The following ZNF385D variants were observed in gnomAD, a reference collection of about 807,000 sequenced individuals.
ZNF385D encodes the protein zinc finger protein 385D.
A neutral mutation model predicts 35.8 loss-of-function variants in ZNF385D; 15 were observed. The observed-to-expected ratio is 0.42, with a 90% CI of 0.28 to 0.64. The LOEUF (loss-of-function observed/expected upper bound fraction) is 0.64. ZNF385D is among the 30% of genes least tolerant of loss of function. The pLI is 0.23. For missense variants in ZNF385D, 474 were observed against 494.6 expected, an observed-to-expected ratio of 0.96 and a Z score of 0.39; for synonymous variants, 212 against 186.8, an observed-to-expected ratio of 1.13 and a Z score of -1.10.
chr3:22,173,982 T>C (rs1027586799), intron 2 of ZNF385D, among the ~76,000 whole-genome samples: 1 of 151,892 alleles, frequency 6.6e-6, no homozygotes, highest in African/African-American at 2.4e-5. Flanking sequence ...ATTCCTTCTA[T>C]TTATTATCAG....
chr3:22,309,436 C>A (rs1438209286), intron 2 of ZNF385D, among the ~76,000 whole-genome samples: 1 of 151,994 alleles, frequency 6.6e-6, no homozygotes, highest in Non-Finnish European at 1.5e-5. Context: ...CAGTTTCTCA[C>A]TTCTAAGGGT....
intron 1 of ZNF385D, among the ~76,000 whole-genome samples, chr3:21,704,090 A>T (rs191963247): frequency 6.6e-6 from 1 of 152,234 alleles, no homozygotes; most frequent in Non-Finnish European, 1.5e-5. Flanking sequence ...GCAATGCTCA[A>T]TCATAAAAGA....
chr3:21,658,689 A>T (rs923824798), intron 2 of ZNF385D, among the ~76,000 whole-genome samples: 2 of 152,084 alleles, frequency 1.3e-5, no homozygotes, highest in African/African-American at 4.8e-5. Context: ...AATAAAAAAT[A>T]TGCATATGGT....
Position 22,042,682 on chromosome 3 carries a change from C to A in ZNF385D, c.325+126135G>T, listed in dbSNP as rs77635893. On this transcript the variant is annotated intron_variant, in intron 3 of 5. Transcript: ENST00000494108. ...TCCAAGTTGCACTCCTCTAAAGGAT[C>A]AAAAGTCTGAGTCTTCTCACTAAGA... is the stretch of plus-strand genomic sequence containing the variant. Among the ~76,000 whole-genome samples, 25 of 152,186 alleles carry A rather than the reference C, an allele frequency of 1.6e-4. No homozygotes were observed. In the East Asian group the frequency reaches 4.8e-3, roughly 29 times the overall value.
At chr3:21,928,691 TAAAG>T (rs1270989119) in intron 3 of ZNF385D, among the ~76,000 whole-genome samples, 10 of 152,138 alleles carry the variant, frequency 6.6e-5, no homozygotes, top group Non-Finnish European at 1.2e-4. Flanking sequence ...AATTTTAAAA[TAAAG>T]AAACGTTATA....
At chr3:22,068,394 A>G (rs1363402662) in intron 3 of ZNF385D, among the ~76,000 whole-genome samples, 5 of 152,200 alleles carry the variant, frequency 3.3e-5, no homozygotes, top group Non-Finnish European at 7.3e-5. Flanking sequence ...TACTGTCCTT[A>G]AGTCCTATAT....
At chr3:21,544,435 TTG>T (rs1207068339) in intron 3 of ZNF385D, among the ~76,000 whole-genome samples, 1 of 152,204 alleles carries the variant, frequency 6.6e-6, no homozygotes, top group Non-Finnish European at 1.5e-5. Flanking sequence ...AAAATGTGTT[TTG>T]TGTTTTTTTT....
intron 3 of ZNF385D, among the ~76,000 whole-genome samples, chr3:21,930,588 T>C (rs1475687060): frequency 6.6e-6 from 1 of 152,116 alleles, no homozygotes; most frequent in East Asian, 1.9e-4. Context: ...AAAATTTTAC[T>C]ATAAAGCTAC....
At chr3:21,743,243 A>G (rs781043137) in intron 1 of ZNF385D, among the ~76,000 whole-genome samples, 10 of 152,214 alleles carry the variant, frequency 6.6e-5, no homozygotes, top group Non-Finnish European at 1.3e-4. Context: ...TAAATATCAA[A>G]GAGATCGTAG....
intron 2 of ZNF385D, among the ~76,000 whole-genome samples, chr3:22,215,832 G>T (rs145656347): frequency 6.6e-6 from 1 of 151,924 alleles, no homozygotes; most frequent in South Asian, 2.1e-4. Context: ...GGAACCTGCC[G>T]ACATGTGATG....
chr3:22,010,892 C>A (rs573640487), intron 3 of ZNF385D, among the ~76,000 whole-genome samples: 17 of 152,068 alleles, frequency 1.1e-4, no homozygotes, highest in Non-Finnish European at 1.8e-4. Context: ...TTTTTCTTTC[C>A]CTTTTTCCTC....
chr3:22,183,131 A>G (rs1294382908), intron 2 of ZNF385D, among the ~76,000 whole-genome samples: 2 of 152,180 alleles, frequency 1.3e-5, no homozygotes, highest in Non-Finnish European at 1.5e-5. Context: ...ACTTCTATTA[A>G]TGAAAGAAAA....
At chr3:21,580,099 A>G (rs934297098) in intron 2 of ZNF385D, 1 of 152,088 alleles carries the variant, frequency 6.6e-6, no homozygotes, top group Non-Finnish European at 1.5e-5. Flanking sequence ...CATAAGTGCT[A>G]GGATATCCTG....
chr3:22,359,045 AAAAC>A (rs138493725), intron 2 of ZNF385D, among the ~76,000 whole-genome samples: 47,871 of 147,458 alleles, frequency 0.32, 9,215 homozygotes, highest in East Asian at 0.68. Context: ...TACCCGTATT[AAAAC>A]AAACAAACAA....
intron 3 of ZNF385D, among the ~76,000 whole-genome samples, chr3:21,778,855 G>T (rs943707541): frequency 6.6e-6 from 1 of 151,842 alleles, no homozygotes; most frequent in Non-Finnish European, 1.5e-5. Flanking sequence ...CTATTTTAAT[G>T]AAACAAAATC....
At chr3:21,652,379 G>A (rs944887532) in intron 2 of ZNF385D, among the ~76,000 whole-genome samples, 3 of 152,126 alleles carry the variant, frequency 2.0e-5, no homozygotes, top group African/African-American at 7.2e-5. Context: ...ACAAACAAGT[G>A]TCTGAAGCTG....
chr3:22,157,272 T>C (rs1297939564), intron 3 of ZNF385D, among the ~76,000 whole-genome samples: 1 of 152,134 alleles, frequency 6.6e-6, no homozygotes, highest in Admixed American at 6.6e-5. Flanking sequence ...AATAAGAGAA[T>C]CACATTAATT....
chr3:22,263,136 T>C (rs1700721007), intron 2 of ZNF385D, among the ~76,000 whole-genome samples: 2 of 151,970 alleles, frequency 1.3e-5, no homozygotes, highest in African/African-American at 4.8e-5. Context: ...CTATTGTTAA[T>C]TCTGTCCAGA....
intron 1 of ZNF385D, among the ~76,000 whole-genome samples, chr3:21,688,054 T>G (rs1268098579): frequency 6.6e-6 from 1 of 152,062 alleles, no homozygotes; most frequent in African/African-American, 2.4e-5. Flanking sequence ...CCAGAAAATT[T>G]TTTTTAAACA....
Sources: gnomAD v4.1 joint callset for allele counts (sites outside exome capture counted in the v4.1 genomes callset) on GRCh38, gnomAD v4.1.1 for gene constraint, MANE v1.5 for transcripts, NCBI Gene and HGNC (gene_info 2026-07-23, HGNC 2026-07-21) for gene names.